CNTN4: variants seen among roughly 807,000 people sequenced by gnomAD.
CNTN4 encodes the protein contactin-4.
CNTN4 carries 77 observed loss-of-function variants against 122.5 expected under a neutral mutation model. The ratio of observed to expected loss-of-function variants is 0.63; its 90% confidence interval spans 0.52 to 0.76. The LOEUF (loss-of-function observed/expected upper bound fraction) is 0.76, where lower values mean the gene tolerates loss of function less well. CNTN4 is among the 30% of genes least tolerant of loss of function. The probability of loss-of-function intolerance (pLI) is 0.00; values close to 1 mark genes in which losing one functional copy is unlikely to be tolerated. For synonymous variants in CNTN4, 512 were observed against 447.0 expected (o/e 1.15, Z -1.83); for missense variants, 1,256 against 1,259.1 (o/e 1.00, Z 0.04).
intron 3 of CNTN4, among the ~76,000 whole-genome samples, chr3:2,426,355 T>C (rs576130119): frequency 6.6e-6 from 1 of 152,222 alleles, no homozygotes; most frequent in African/African-American, 2.4e-5. Flanking sequence ...TTTCTTTTTA[T>C]GTGATGGATT....
At position 2,709,473 on chromosome 3, in the gene CNTN4, G is replaced by GA. The variant is rs1257593349; in HGVS notation, c.56-26739dup. Among the ~76,000 whole-genome samples the GA allele has an allele frequency of 1.3e-5, 2 of 152,106 alleles. No individual in the cohort carries two copies. Among genetic ancestry groups the GA allele is most frequent in the Admixed American group, 1.3e-4 (2 of 15,270 alleles). The stretch of plus-strand genomic sequence containing the variant: ...TGTGCAATGGGGGATGGGAACTACT[G>GA]AAACCTAATCCCCGCAATTACAGGG... On this transcript the variant is annotated intron_variant, in intron 4 of 24. Coordinates refer to ENST00000418658, the MANE Select transcript of CNTN4 (RefSeq NM_175607.3). This position sits in a 1 kb window ranked among gnomAD's most constrained non-coding sequence, Gnocchi z 5.0.
At chr3:2,970,649 G>A (rs1046097675) in intron 13 of CNTN4, among the ~76,000 whole-genome samples, 3 of 151,814 alleles carry the variant, frequency 2.0e-5, no homozygotes, top group Non-Finnish European at 2.9e-5. Context: ...GTTTCACAAT[G>A]TGCCCAGGCT....
At chr3:2,492,314 G>C (rs141499214) in intron 3 of CNTN4, among the ~76,000 whole-genome samples, 1 of 152,230 alleles carries the variant, frequency 6.6e-6, no homozygotes, top group Admixed American at 6.5e-5. Context: ...CCAAATTTCA[G>C]AGAGATTGGA....
At chr3:2,969,522 T>G (rs73805472) in intron 13 of CNTN4, among the ~76,000 whole-genome samples, 10 of 137,026 alleles carry the variant, frequency 7.3e-5, no homozygotes, top group African/African-American at 3.3e-4. Flanking sequence ...TTGGGATTAT[T>G]ATTATTATTA....
chr3:2,275,919 CAAAAAA>C (rs767326367), intron 2 of CNTN4, among the ~76,000 whole-genome samples: 1 of 107,072 alleles, frequency 9.3e-6, no homozygotes, highest in African/African-American at 4.0e-5. Flanking sequence ...GACTCTGTCT[CAAAAAA>C]AAAAAAAAAA....
At chr3:2,887,958 C>T (rs1267902424) in intron 10 of CNTN4, among the ~76,000 whole-genome samples, 1 of 152,168 alleles carries the variant, frequency 6.6e-6, no homozygotes, top group African/African-American at 2.4e-5. Flanking sequence ...AGAATCCCAT[C>T]TGTCTGGGAT....
At chr3:2,686,665 G>T (rs2728019) in intron 4 of CNTN4, among the ~76,000 whole-genome samples, 2 of 152,042 alleles carry the variant, frequency 1.3e-5, no homozygotes, top group South Asian at 2.1e-4. Context: ...CTGTGTGTCT[G>T]TGTGTGTTAC....
intron 4 of CNTN4, among the ~76,000 whole-genome samples, chr3:2,677,217 A>G (rs1467327500): frequency 1.3e-5 from 2 of 150,194 alleles, no homozygotes; most frequent in African/African-American, 2.4e-5. Context: ...ATGTATATAT[A>G]TATCTATATA....
chr3:2,139,446 C>T (rs1225847044), intron 2 of CNTN4, among the ~76,000 whole-genome samples: 1 of 152,168 alleles, frequency 6.6e-6, no homozygotes, highest in Non-Finnish European at 1.5e-5. Flanking sequence ...GACACTGCTA[C>T]CTGATTCCCA....
intron 4 of CNTN4, among the ~76,000 whole-genome samples, chr3:2,598,387 T>C (rs2080872315): frequency 6.6e-6 from 1 of 152,052 alleles, no homozygotes; most frequent in Non-Finnish European, 1.5e-5. Flanking sequence ...AGAAAATGCT[T>C]TAGAGAGTAA....
At chr3:2,128,181 C>T (rs1303030630) in intron 2 of CNTN4, among the ~76,000 whole-genome samples, 4 of 152,126 alleles carry the variant, frequency 2.6e-5, no homozygotes, top group Non-Finnish European at 4.4e-5. Context: ...TAACCGTCTG[C>T]CAGTTTCTTT....
At position 2,736,196 on chromosome 3, in the gene CNTN4, T is replaced by C; in HGVS notation, c.56-19T>C. On this transcript the variant is annotated intron_variant, in intron 4 of 24. Coordinates refer to ENST00000418658, the MANE Select transcript of CNTN4 (RefSeq NM_175607.3). ...TGGAAGGGATTCTTCATTTTGGACA[T>C]TTTCTCTTCTCATTTCAGATGATTC... 3 of 1,611,868 alleles carry C rather than the reference T, an allele frequency of 1.9e-6. No homozygotes were observed. Among genetic ancestry groups the C allele is most frequent in the Non-Finnish European group, 2.5e-6 (3 of 1,178,404 alleles).
intron 10 of CNTN4, among the ~76,000 whole-genome samples, chr3:2,890,625 C>A (rs961055033): frequency 6.6e-6 from 1 of 152,134 alleles, no homozygotes; most frequent in African/African-American, 2.4e-5. Context: ...TGCATTAAAA[C>A]CATTTTGCCT....
intron 2 of CNTN4, among the ~76,000 whole-genome samples, chr3:2,162,315 C>T (rs972576391): frequency 1.3e-5 from 2 of 152,162 alleles, no homozygotes; most frequent in South Asian, 2.1e-4. Flanking sequence ...TGAATGTTCT[C>T]ATATATGCAC....
chr3:2,806,558 C>G (rs1168601692), intron 6 of CNTN4, among the ~76,000 whole-genome samples: 1 of 152,190 alleles, frequency 6.6e-6, no homozygotes, highest in East Asian at 1.9e-4. Flanking sequence ...CTTCTCTTAT[C>G]AAATCAGTGT....
At chr3:2,628,113 C>T (rs75449366) in intron 4 of CNTN4, among the ~76,000 whole-genome samples, 27,781 of 152,162 alleles carry the variant, frequency 0.18, 2,732 homozygotes, top group South Asian at 0.25. Flanking sequence ...TAGTTGTCAC[C>T]CCTTCCATTG....
intron 3 of CNTN4, among the ~76,000 whole-genome samples, chr3:2,477,014 T>C (rs1431983252): frequency 6.6e-6 from 1 of 152,150 alleles, no homozygotes; most frequent in African/African-American, 2.4e-5. Flanking sequence ...CTGGAAGGGA[T>C]AACTAATGGC....
At chr3:2,866,352 A>T in intron 7 of CNTN4, 1 of 365,870 alleles carries the variant, frequency 2.7e-6, no homozygotes, top group Non-Finnish European at 4.1e-6. Context: ...AAAAGAAATG[A>T]TCTAAATAGT....
chr3:2,115,961 T>C (rs1477293651), intron 2 of CNTN4, among the ~76,000 whole-genome samples: 2 of 152,328 alleles, frequency 1.3e-5, no homozygotes. Context: ...TTATTAACTT[T>C]GGGAACCATG....
Sources: allele counts gnomAD v4.1 joint callset (sites outside exome capture counted in the v4.1 genomes callset), GRCh38; gene constraint gnomAD v4.1.1; non-coding constraint Gnocchi (gnomAD v3.1); transcripts MANE v1.5; gene names NCBI Gene and HGNC (gene_info 2026-07-23, HGNC 2026-07-21).